The following UNC13C variants were observed in gnomAD, a reference collection of about 807,000 sequenced individuals.
UNC13C encodes the protein unc-13 homolog C, also known as protein unc-13 homolog C.
In UNC13C, 174 loss-of-function variants were observed where a neutral mutation model predicts 245.4. The ratio of observed to expected loss-of-function variants is 0.71; its 90% CI spans 0.63 to 0.80. The LOEUF is 0.80. Ranked by LOEUF, UNC13C falls within the 30% of genes least tolerant of loss-of-function variation. UNC13C has a pLI of 0.00. For synonymous variants in UNC13C, 992 were observed against 895.1 expected (o/e 1.11, Z -1.93); for missense variants, 2,829 against 2,602.9 (o/e 1.09, Z -1.89).
At chr15:54,382,599 T>TG (rs983349961) in intron 17 of UNC13C, among the ~76,000 whole-genome samples, 35 of 146,560 alleles carry the variant, frequency 2.4e-4, no homozygotes, top group African/African-American at 8.8e-4. Context: ...AAAACAACAA[T>TG]GAAAAAAAAA....
At chr15:54,494,919 G>A (rs1893883095) in intron 20 of UNC13C, among the ~76,000 whole-genome samples, 185 bp downstream of exon 20, 1 of 151,946 alleles carries the variant, frequency 6.6e-6, no homozygotes, top group Non-Finnish European at 1.5e-5. Context: ...GAATTGTGTT[G>A]CATATTTCAA....
At chr15:54,630,802 T>A (rs766083574), downstream of UNC13C, 2 of 151,300 alleles carry the variant, frequency 1.3e-5, no homozygotes, top group Non-Finnish European at 2.9e-5. Flanking sequence ...TGAAGGAGAA[T>A]CAATTCCAAT....
chr15:54,443,196 G>A (rs1264782257), intron 19 of UNC13C, among the ~76,000 whole-genome samples: 1 of 151,986 alleles, frequency 6.6e-6, no homozygotes, highest in Non-Finnish European at 1.5e-5. Flanking sequence ...CAGTTTGTTA[G>A]CATATAGTTG....
At chr15:53,959,906 C>T in the UNC13C span, among the ~76,000 whole-genome samples, 2 of 152,074 alleles carry the variant, frequency 1.3e-5, no homozygotes, top group South Asian at 2.1e-4. Flanking sequence ...TTTTACAAAT[C>T]GCATTTTAGA....
At chr15:54,056,324 A>G (rs1464843770) in intron 2 of UNC13C, among the ~76,000 whole-genome samples, 2 of 152,224 alleles carry the variant, frequency 1.3e-5, no homozygotes, top group African/African-American at 4.8e-5. Flanking sequence ...CACAAGCCTC[A>G]GTAACCGATG....
At chr15:53,934,575 G>A in the UNC13C span, among the ~76,000 whole-genome samples, 2 of 152,148 alleles carry the variant, frequency 1.3e-5, no homozygotes, top group Non-Finnish European at 2.9e-5. Context: ...ACTGTAATAT[G>A]TTTGTAATTG....
At position 54,574,789 on chromosome 15, in the gene UNC13C, CTTATT is replaced by C. The variant is rs368817914; in HGVS notation, c.6106+6846_6106+6850del. ...AATGAGTGAAGTCTTTGAGTCTCTG[CTTATT>C]TTAAGTTTCTTAACATTAAATTAGA... On this transcript the variant is annotated intron_variant, in intron 30 of 32. Transcript: ENST00000260323. 7.2e-5 allele frequency among the ~76,000 whole-genome samples: 11 copies of C among 152,190 alleles called. No individual in the cohort carries two copies. In the East Asian group the frequency reaches 1.5e-3, roughly 21 times the overall value.
intron 2 of UNC13C, among the ~76,000 whole-genome samples, chr15:54,062,760 T>C (rs994435414): frequency 6.6e-6 from 1 of 152,194 alleles, no homozygotes; most frequent in Non-Finnish European, 1.5e-5. Flanking sequence ...CAGGAATCTG[T>C]TGTTCAATAA....
intron 19 of UNC13C, among the ~76,000 whole-genome samples, chr15:54,424,086 G>T (rs954427220): frequency 1.3e-5 from 2 of 151,748 alleles, no homozygotes; most frequent in Non-Finnish European, 2.9e-5. Context: ...AGGAACAAAT[G>T]AATATTATCT....
chr15:53,860,487 T>TA, the UNC13C span, among the ~76,000 whole-genome samples: 1 of 152,012 alleles, frequency 6.6e-6, no homozygotes, highest in East Asian at 1.9e-4. Context: ...CATGGGGAGG[T>TA]AATTGCCCCA....
chr15:53,867,605 G>C, the UNC13C span, among the ~76,000 whole-genome samples: 3 of 152,160 alleles, frequency 2.0e-5, no homozygotes, highest in African/African-American at 7.2e-5. Context: ...AATTGACAGA[G>C]GGATGGGATA....
chr15:54,074,845 T>C (rs543693763), intron 2 of UNC13C, among the ~76,000 whole-genome samples: 97 of 148,504 alleles, frequency 6.5e-4, no homozygotes, highest in Middle Eastern at 3.5e-3. Flanking sequence ...ACTTCCTCTC[T>C]TCCTATTTGA....
chr15:54,493,524 A>G (rs748898129), intron 19 of UNC13C, among the ~76,000 whole-genome samples: 53 of 152,070 alleles, frequency 3.5e-4, no homozygotes, highest in Non-Finnish European at 6.9e-4. Context: ...TAGTCCCTCT[A>G]TATTCCGGTT....
chr15:54,065,070 A>G (rs774540764), intron 2 of UNC13C, among the ~76,000 whole-genome samples: 2 of 152,218 alleles, frequency 1.3e-5, no homozygotes, highest in Non-Finnish European at 2.9e-5. Context: ...TCCAAATTAG[A>G]TATGCAAACC....
intron 2 of UNC13C, among the ~76,000 whole-genome samples, chr15:54,095,761 T>G (rs970597590): frequency 6.6e-6 from 1 of 152,232 alleles, no homozygotes; most frequent in Non-Finnish European, 1.5e-5. Flanking sequence ...AACAGTATTA[T>G]TCAACAAATT....
At chr15:54,567,688 T>A in intron 29 of UNC13C, 112 bp from the exon 30 acceptor site, 1 of 1,022,312 alleles carries the variant, frequency 9.8e-7, no homozygotes. Flanking sequence ...TTTTTTTGTA[T>A]CTTGCATTGA....
At chr15:54,486,250 AACACACAC>A (rs59221050) in intron 19 of UNC13C, among the ~76,000 whole-genome samples, 52 of 132,046 alleles carry the variant, frequency 3.9e-4, no homozygotes, top group Admixed American at 8.7e-4. Context: ...GATCTATTAA[AACACACAC>A]ACACACACAC....
In UNC13C at chr15:54,031,456, C is replaced by T. The variant is rs138974123; in HGVS notation, c.2983+15570C>T. Among the ~76,000 whole-genome samples, 854 of 152,320 alleles carry T rather than the reference C, an allele frequency of 5.6e-3. 42 individuals are homozygous for T. The South Asian group carries it at 0.12, about 22-fold the overall frequency. On this transcript the variant is annotated intron_variant, in intron 2 of 32. Coordinates refer to ENST00000260323, the MANE Select transcript of UNC13C (RefSeq NM_001080534.3). ...GCCAGGATGGTCTCAATCTCCTGAC[C>T]TTGTGATCTGCCCGCCTCGGCTTCC...
chr15:54,543,874 G>A (rs1462670719), intron 26 of UNC13C, among the ~76,000 whole-genome samples: 1 of 152,094 alleles, frequency 6.6e-6, no homozygotes, highest in Non-Finnish European at 1.5e-5. Context: ...GTACAAAGAG[G>A]AGCTGATACT....
Sources: allele counts gnomAD v4.1 joint callset (sites outside exome capture counted in the v4.1 genomes callset), GRCh38; gene constraint gnomAD v4.1.1; transcripts MANE v1.5; gene names NCBI Gene and HGNC (gene_info 2026-07-23, HGNC 2026-07-21).